The following CNTN3 variants were observed in gnomAD, a reference collection of about 807,000 sequenced individuals.
CNTN3 encodes the protein contactin-3.
A neutral mutation model predicts 119.1 loss-of-function variants in CNTN3; 60 were observed. That is an observed-to-expected ratio of 0.50 (90% CI 0.41 to 0.62). The LOEUF (loss-of-function observed/expected upper bound fraction) is 0.62, where lower values mean the gene tolerates loss of function less well. Among genes scored for constraint, CNTN3 ranks in the 20% least tolerant of loss-of-function variants. The probability of loss-of-function intolerance (pLI) is 0.00; values close to 1 mark genes in which losing one functional copy is unlikely to be tolerated. For synonymous variants in CNTN3, 450 were observed against 438.7 expected (o/e 1.03, Z -0.32); for missense variants, 1,101 against 1,242.4 (o/e 0.89, Z 1.71).
At chr3:74,266,703 T>C in intron 21 of CNTN3, 54 bp from the exon 22 acceptor site, 1 of 1,536,338 alleles carries the variant, frequency 6.5e-7, no homozygotes, top group Non-Finnish European at 9.0e-7. Flanking sequence ...TTTTGTTTTC[T>C]TCATAGAATT....
intron 4 of CNTN3, among the ~76,000 whole-genome samples, chr3:74,464,008 T>C (rs1702417534): frequency 6.6e-6 from 1 of 152,172 alleles, no homozygotes; most frequent in Non-Finnish European, 1.5e-5. Flanking sequence ...GTCAGTTGCC[T>C]ACTAAACTTA....
At chr3:74,298,905 AAG>A (rs375656035) in intron 17 of CNTN3, among the ~76,000 whole-genome samples, 11 of 74,062 alleles carry the variant, frequency 1.5e-4, no homozygotes, top group Admixed American at 4.8e-4. Context: ...AAAAAAAAAA[AAG>A]GGAAGTAAAT....
chr3:74,504,592 GA>G (rs1703219995), intron 2 of CNTN3, among the ~76,000 whole-genome samples: 2 of 152,080 alleles, frequency 1.3e-5, no homozygotes, highest in Admixed American at 6.6e-5. Context: ...CAAAGTATTC[GA>G]TCTTAGAATA....
At chr3:74,299,369 A>G (rs1273100586) in intron 17 of CNTN3, among the ~76,000 whole-genome samples, 1 of 152,134 alleles carries the variant, frequency 6.6e-6, no homozygotes, top group East Asian at 1.9e-4. Flanking sequence ...ATGTAAACCA[A>G]TGGCTGGGAG....
At chr3:74,557,056 T>C (rs140796290) in intron 1 of CNTN3, among the ~76,000 whole-genome samples, 1 of 152,180 alleles carries the variant, frequency 6.6e-6, no homozygotes, top group Non-Finnish European at 1.5e-5. Context: ...ATACATAATT[T>C]ATAAATATTT....
intron 13 of CNTN3, among the ~76,000 whole-genome samples, chr3:74,328,550 T>G (rs1176858074): frequency 6.6e-6 from 1 of 152,220 alleles, no homozygotes; most frequent in Non-Finnish European, 1.5e-5. Context: ...TGACTTATTC[T>G]TGTAAATTTA....
chr3:74,303,902 T>C (rs780640437), intron 13 of CNTN3, among the ~76,000 whole-genome samples: 8 of 152,204 alleles, frequency 5.3e-5, no homozygotes, highest in East Asian at 3.8e-4. Flanking sequence ...TAATAAGTCA[T>C]ATGATTTCGA....
At chr3:74,599,990 A>G (rs986595102) in intron 1 of CNTN3, among the ~76,000 whole-genome samples, 1 of 152,116 alleles carries the variant, frequency 6.6e-6, no homozygotes, top group Non-Finnish European at 1.5e-5. Flanking sequence ...AGAGCATTCC[A>G]GGCATAAATG....
At chr3:74,394,821 T>C (rs1575684295) in intron 5 of CNTN3, among the ~76,000 whole-genome samples, 1 of 148,096 alleles carries the variant, frequency 6.8e-6, no homozygotes, top group African/African-American at 2.5e-5. Context: ...TCTTAGAAGA[T>C]AGGATTTTAA....
intron 13 of CNTN3, among the ~76,000 whole-genome samples, chr3:74,323,258 C>G (rs150957571): frequency 6.6e-6 from 1 of 152,030 alleles, no homozygotes; most frequent in Non-Finnish European, 1.5e-5. Context: ...CACATGGGTA[C>G]TTTCTGTACT....
At chr3:74,442,742 C>G (rs1310877856) in intron 4 of CNTN3, among the ~76,000 whole-genome samples, 1 of 152,162 alleles carries the variant, frequency 6.6e-6, no homozygotes, top group Non-Finnish European at 1.5e-5. Flanking sequence ...TTGGATCTTA[C>G]TAAGTGCTAA....
chr3:74,572,018 C>T (rs1335130554), intron 1 of CNTN3, among the ~76,000 whole-genome samples: 1 of 152,140 alleles, frequency 6.6e-6, no homozygotes, highest in Non-Finnish European at 1.5e-5. Context: ...CCACTGGCTC[C>T]AAGCCTTTGC....
At position 74,614,420 on chromosome 3, in the gene CNTN3, C is replaced by T. The variant is rs1475194632; in HGVS notation, c.-110G>A. On this transcript the variant is annotated 5_prime_UTR_variant, in exon 1 of 23. Coordinates refer to ENST00000263665, the MANE Select transcript of CNTN3 (RefSeq NM_020872.3). Reference sequence around the variant, plus strand: ...TCTCTGCAGCTCGCCAGACGCCCGCCCCGACGGCCCACTCGCCGCCGCCGC... The same window carrying T: ...TCTCTGCAGCTCGCCAGACGCCCGCTCCGACGGCCCACTCGCCGCCGCCGC... Among the ~76,000 whole-genome samples the T allele has an allele frequency of 2.7e-5, 4 of 146,704 alleles. No homozygotes were observed. Among genetic ancestry groups the T allele is most frequent in the Non-Finnish European group, 3.0e-5 (2 of 66,520 alleles).
intron 4 of CNTN3, among the ~76,000 whole-genome samples, chr3:74,447,827 G>A (rs995907229): frequency 6.6e-6 from 1 of 152,146 alleles, no homozygotes; most frequent in Non-Finnish European, 1.5e-5. Context: ...TGGACCCCAG[G>A]TTAAAATTGC....
At chr3:74,521,035 G>T (rs570141064) in intron 2 of CNTN3, 23 bp downstream of exon 2, 32 of 1,527,896 alleles carry the variant, frequency 2.1e-5, no homozygotes, top group African/African-American at 2.8e-5. Context: ...CCTCAACTTA[G>T]AAAATATAGG....
At chr3:74,592,280 G>C (rs1293486082) in intron 1 of CNTN3, among the ~76,000 whole-genome samples, 2 of 151,940 alleles carry the variant, frequency 1.3e-5, no homozygotes, top group African/African-American at 4.8e-5. Flanking sequence ...GAAATGCAGG[G>C]GGCAGGAGCA....
intron 1 of CNTN3, among the ~76,000 whole-genome samples, chr3:74,583,320 G>A (rs1704544413): frequency 6.6e-6 from 1 of 151,942 alleles, no homozygotes; most frequent in African/African-American, 2.4e-5. Context: ...AAATGTCCAT[G>A]AGCAAATGAA....
At chr3:74,391,557 C>CTTTTTTTTTTTTTTTTTTTTTTTTTTTT (rs554976641) in intron 5 of CNTN3, among the ~76,000 whole-genome samples, 2 of 87,030 alleles carry the variant, frequency 2.3e-5, no homozygotes, top group African/African-American at 9.4e-5. Flanking sequence ...CCCATAGTTT[C>CTTTTTTTTTTTTTTTTTTTTTTTTTTTT]TTTTTTTTTT....
Position 74,298,208 on chromosome 3 carries a change from T to A in CNTN3, c.2167-17A>T, listed in dbSNP as rs760602617. 1.3e-6 allele frequency: 2 copies of A among 1,523,552 alleles called. No individual in the cohort carries two copies. The highest frequency in any genetic ancestry group is 4.5e-5 in the East Asian group (2 of 43,994). 94.4% of individuals were successfully genotyped at this position (1,523,552 alleles called of 1,614,324 possible). A position where few individuals can be genotyped will look rare whatever the true frequency, so the allele number is the denominator to read the frequency against. ...AGGGACTGGCTATAAAGGAAAGACA[T>A]ACTGAATCACCCTTACACATAAGGG... On this transcript the variant is annotated splice_polypyrimidine_tract_variant and intron_variant, in intron 17 of 22. Transcript: ENST00000263665.
Sources: gnomAD v4.1 joint callset for allele counts (sites outside exome capture counted in the v4.1 genomes callset) on GRCh38, gnomAD v4.1.1 for gene constraint, MANE v1.5 for transcripts, NCBI Gene and HGNC (gene_info 2026-07-23, HGNC 2026-07-21) for gene names.